DNAJC15: variants seen among roughly 807,000 people sequenced by gnomAD.
The protein encoded by DNAJC15 is dnaJ homolog subfamily C member 15.
In DNAJC15, 27 loss-of-function variants were observed where a neutral mutation model predicts 22.4. That is an observed-to-expected ratio of 1.20 (90% CI 0.89 to 1.66). DNAJC15 has a LOEUF of 1.66. Ranked by LOEUF, DNAJC15 falls within the 40% of genes most tolerant of loss-of-function variation. The pLI, the probability that DNAJC15 is intolerant of heterozygous loss-of-function variation, is 0.00. For synonymous variants in DNAJC15, 79 were observed against 63.2 expected, an observed-to-expected ratio of 1.25 and a Z score of -1.19; for missense variants, 208 against 187.1, an observed-to-expected ratio of 1.11 and a Z score of -0.65.
At chr13:43,102,649 TGTG>T (rs1316266340) in intron 5 of DNAJC15, among the ~76,000 whole-genome samples, 4 of 152,042 alleles carry the variant, frequency 2.6e-5, no homozygotes, top group Admixed American at 2.0e-4. Flanking sequence ...TTTTTATTAA[TGTG>T]GTAAATTACA....
chr13:43,047,559 G>T (rs1365884348), intron 1 of DNAJC15, among the ~76,000 whole-genome samples: 1 of 152,180 alleles, frequency 6.6e-6, no homozygotes, highest in African/African-American at 2.4e-5. Context: ...TCATAACCTT[G>T]TTTGAATCAT....
chr13:43,082,226 G>A (rs889321005), intron 4 of DNAJC15, among the ~76,000 whole-genome samples: 2 of 151,920 alleles, frequency 1.3e-5, no homozygotes, highest in African/African-American at 4.8e-5. Flanking sequence ...TTTGCCAGAA[G>A]GTCCAAGAAC....
At chr13:43,085,872 A>T in intron 5 of DNAJC15, 34 bp downstream of exon 5, 3 of 1,559,442 alleles carry the variant, frequency 1.9e-6, no homozygotes, top group Non-Finnish European at 2.6e-6. Context: ...TAATATGTAT[A>T]TCAAAATATG....
At chr13:43,055,831 G>C (rs2153440438) in intron 1 of DNAJC15, among the ~76,000 whole-genome samples, 1 of 152,024 alleles carries the variant, frequency 6.6e-6, no homozygotes, top group South Asian at 2.1e-4. Context: ...TTGTCTATTT[G>C]TGCTCCTTCA....
chr13:43,072,546 G>A (rs938308524), intron 3 of DNAJC15, among the ~76,000 whole-genome samples: 1 of 147,636 alleles, frequency 6.8e-6, no homozygotes, highest in Non-Finnish European at 1.5e-5. Flanking sequence ...TGTCTATTCT[G>A]TTTTTCATCT....
chr13:43,097,170 G>A (rs1019296158), intron 5 of DNAJC15, among the ~76,000 whole-genome samples: 5 of 152,286 alleles, frequency 3.3e-5, no homozygotes, highest in East Asian at 3.9e-4. Context: ...GAGGGGAGGC[G>A]GATGCTGATT....
intron 1 of DNAJC15, among the ~76,000 whole-genome samples, chr13:43,050,149 A>G (rs1593314348): frequency 6.6e-6 from 1 of 151,880 alleles, no homozygotes; most frequent in African/African-American, 2.4e-5. Flanking sequence ...CGAATTCCTG[A>G]CCTCAGGTGA....
chr13:43,039,938 G>A (rs911853252), intron 1 of DNAJC15, among the ~76,000 whole-genome samples: 1 of 152,160 alleles, frequency 6.6e-6, no homozygotes, highest in African/African-American at 2.4e-5. Flanking sequence ...AGAATTGGTT[G>A]TACACGGGAA....
At chr13:43,024,001 A>T (rs1312398317) in intron 1 of DNAJC15, among the ~76,000 whole-genome samples, 2 of 152,254 alleles carry the variant, frequency 1.3e-5, no homozygotes, top group Non-Finnish European at 2.9e-5. Context: ...AATTGCAAAT[A>T]CAGTAAAATA....
chr13:43,040,261 G>A (rs183178140), intron 1 of DNAJC15, among the ~76,000 whole-genome samples: 1 of 152,206 alleles, frequency 6.6e-6, no homozygotes, highest in African/African-American at 2.4e-5. Flanking sequence ...AGAGCCTGCT[G>A]TAGTTCTTTC....
Position 43,058,397 on chromosome 13 carries a change from C to T in DNAJC15, c.109-7289C>T, listed in dbSNP as rs537063245. On this transcript the variant is annotated intron_variant, in intron 1 of 5. Transcript: ENST00000379221. Reference sequence around the variant, plus strand: ...GTGGGTTGGTGTGGGTGGTGGAAGGCGGCAGTGTGTAGAGAAGGATCACCA... The same window carrying T: ...GTGGGTTGGTGTGGGTGGTGGAAGGTGGCAGTGTGTAGAGAAGGATCACCA... Among the ~76,000 whole-genome samples, 98 of 152,060 alleles carry T rather than the reference C, an allele frequency of 6.4e-4. 1 individual carries two copies. Among genetic ancestry groups the T allele is most frequent in the African/African-American group, 2.1e-3 (88 of 41,510 alleles).
chr13:43,088,425 G>A (rs1008248900), intron 5 of DNAJC15, among the ~76,000 whole-genome samples: 2 of 152,144 alleles, frequency 1.3e-5, no homozygotes, highest in African/African-American at 4.8e-5. Context: ...GTGATTAAGA[G>A]CTTCCTGTTT....
At chr13:43,082,533 G>A (rs2040666835) in intron 4 of DNAJC15, among the ~76,000 whole-genome samples, 1 of 152,126 alleles carries the variant, frequency 6.6e-6, no homozygotes, top group Admixed American at 6.5e-5. Flanking sequence ...CTCACCATTA[G>A]GAGTCTGATC....
chr13:43,079,507 G>A (rs2040651793), intron 4 of DNAJC15, among the ~76,000 whole-genome samples: 1 of 152,036 alleles, frequency 6.6e-6, no homozygotes, highest in African/African-American at 2.4e-5. Flanking sequence ...TTATTTAAGA[G>A]ATCTCATCTC....
intron 5 of DNAJC15, among the ~76,000 whole-genome samples, chr13:43,097,787 A>G (rs976935013): frequency 1.3e-5 from 2 of 152,034 alleles, no homozygotes; most frequent in African/African-American, 4.8e-5. Context: ...AAAATACAAA[A>G]TTAGCCGGGC....
intron 3 of DNAJC15, among the ~76,000 whole-genome samples, chr13:43,077,907 G>C (rs1336298752): frequency 6.6e-6 from 1 of 152,118 alleles, no homozygotes; most frequent in Non-Finnish European, 1.5e-5. Flanking sequence ...TCTGTTGTCT[G>C]GATTATTGTT....
intron 1 of DNAJC15, among the ~76,000 whole-genome samples, chr13:43,030,247 C>T (rs2040398434): frequency 6.6e-6 from 1 of 151,974 alleles, no homozygotes; most frequent in South Asian, 2.1e-4. Context: ...TTGGGTAACA[C>T]CAAATATATG....
intron 1 of DNAJC15, among the ~76,000 whole-genome samples, chr13:43,051,732 G>A (rs921595855): frequency 6.6e-6 from 1 of 151,986 alleles, no homozygotes; most frequent in Non-Finnish European, 1.5e-5. Context: ...TTGCAATTGT[G>A]AATTGTGCTG....
rs2040821744 is a variant in DNAJC15 at position 43,110,893 on chromosome 13, CTT to C, written c.*3646_*3647del. 1 of 152,220 alleles carries C rather than the reference CTT, an allele frequency of 6.6e-6. No homozygotes were observed. Among genetic ancestry groups the C allele is most frequent in the African/African-American group, 2.4e-5 (1 of 41,456 alleles). 9.4% of individuals were successfully genotyped at this position (152,220 alleles called of 1,614,324 possible). On this transcript the variant is annotated 3_prime_UTR_variant, in exon 6 of 6. Coordinates refer to ENST00000379221, the MANE Select transcript of DNAJC15 (RefSeq NM_013238.3). ...AAAGCTTATTTGAGTGGTTACCTGT[CTT>C]CAGTAAAGATTGCGCTTGCATATTT...
Sources: gnomAD v4.1 joint callset for allele counts (sites outside exome capture counted in the v4.1 genomes callset) on GRCh38, gnomAD v4.1.1 for gene constraint, MANE v1.5 for transcripts, NCBI Gene and HGNC (gene_info 2026-07-23, HGNC 2026-07-21) for gene names.